Variants in CPEB3 observed in about 807,000 individuals in gnomAD.
CPEB3 encodes the protein cytoplasmic polyadenylation element-binding protein 3.
A neutral mutation model predicts 67.2 loss-of-function variants in CPEB3; 20 were observed. The observed-to-expected ratio is 0.30, with a 90% CI of 0.21 to 0.43. The LOEUF (loss-of-function observed/expected upper bound fraction) is 0.43, where lower values mean the gene tolerates loss of function less well. Among genes scored for constraint, CPEB3 ranks in the 20% least tolerant of loss-of-function variants. The probability of loss-of-function intolerance (pLI) is 1.00; values close to 1 mark genes in which losing one functional copy is unlikely to be tolerated. For missense variants in CPEB3, 746 were observed against 968.6 expected (o/e 0.77, Z 3.05); for synonymous variants, 376 against 393.1 (o/e 0.96, Z 0.51).
intron 1 of CPEB3, among the ~76,000 whole-genome samples, chr10:92,270,559 CTT>C (rs571582158): frequency 1.2e-3 from 150 of 124,848 alleles, no homozygotes; most frequent in Non-Finnish European, 1.6e-3. Flanking sequence ...TTTTATATTA[CTT>C]TTTTTTTTTT....
intron 1 of CPEB3, among the ~76,000 whole-genome samples, chr10:92,254,675 C>G (rs531764516): frequency 6.6e-6 from 1 of 152,024 alleles, no homozygotes; most frequent in South Asian, 2.1e-4. Flanking sequence ...TTTATACAGA[C>G]AGAGTCTTGC....
At chr10:92,177,901 G>A (rs1307549421) in intron 4 of CPEB3, among the ~76,000 whole-genome samples, 2 of 152,038 alleles carry the variant, frequency 1.3e-5, no homozygotes, top group Non-Finnish European at 2.9e-5. Context: ...AAGATTTTTT[G>A]GGAAACATAA....
intron 2 of CPEB3, among the ~76,000 whole-genome samples, chr10:92,207,415 G>A (rs1391110679): frequency 1.3e-5 from 2 of 152,110 alleles, no homozygotes; most frequent in African/African-American, 4.8e-5. Context: ...AAGACAGAAT[G>A]GTTTTAAGGC....
At chr10:92,173,824 C>A (rs920509809) in intron 4 of CPEB3, among the ~76,000 whole-genome samples, 6 of 152,186 alleles carry the variant, frequency 3.9e-5, no homozygotes, top group Admixed American at 1.3e-4. Flanking sequence ...AGTCATGGAA[C>A]ATTACTTATT....
rs1440597796 is a variant in CPEB3, at chr10:92,258,628, ATATATATATATAT to A, written c.-11-18280_-11-18268del. ...CAGACTTCAATTATATTTTTTGAAT[ATATATATATATAT>A]ATATATATATATATATATATATATA... On this transcript the variant is annotated intron_variant, in intron 1 of 9. Transcript: ENST00000265997. Among the ~76,000 whole-genome samples, 446 of 84,170 alleles carry A rather than the reference ATATATATATATAT, an allele frequency of 5.3e-3. 24 individuals are homozygous for A. The highest frequency in any genetic ancestry group is 0.011 in the Middle Eastern group (2 of 184). 55.2% of individuals were successfully genotyped at this position (84,170 alleles called of 152,430 possible). A position where few individuals can be genotyped will look rare whatever the true frequency, so the allele number is the denominator to read the frequency against.
intron 3 of CPEB3, among the ~76,000 whole-genome samples, chr10:92,185,669 G>A (rs368738947): frequency 2.0e-5 from 3 of 152,038 alleles, no homozygotes; most frequent in Admixed American, 1.3e-4. Flanking sequence ...CCCTTTGCTC[G>A]AAAAAGGCAA....
chr10:92,271,465 G>C (rs560443865), intron 1 of CPEB3, among the ~76,000 whole-genome samples: 2 of 152,050 alleles, frequency 1.3e-5, no homozygotes, highest in South Asian at 4.2e-4. Context: ...TTTTAATCTG[G>C]GACAGTTCCT....
At chr10:92,131,526 G>A (rs769492246) in intron 6 of CPEB3, among the ~76,000 whole-genome samples, 19 of 152,190 alleles carry the variant, frequency 1.2e-4, no homozygotes, top group South Asian at 2.1e-4. Flanking sequence ...AGCTTGGAAA[G>A]AGAAACTGAT....
chr10:92,248,669 G>A (rs1852167501), intron 1 of CPEB3, among the ~76,000 whole-genome samples: 1 of 152,060 alleles, frequency 6.6e-6, no homozygotes, highest in African/African-American at 2.4e-5. Context: ...GAAGGGGAGT[G>A]GTATAAAATA....
At chr10:92,117,344 T>C (rs1168182332) in intron 6 of CPEB3, among the ~76,000 whole-genome samples, 15 of 102,118 alleles carry the variant, frequency 1.5e-4, no homozygotes, top group African/African-American at 6.4e-4. Flanking sequence ...TTTTTTTTTT[T>C]TTTGAGAAGG....
chr10:92,065,817 G>C (rs1289528784), intron 9 of CPEB3, among the ~76,000 whole-genome samples: 1 of 152,018 alleles, frequency 6.6e-6, no homozygotes, highest in Non-Finnish European at 1.5e-5. Context: ...AGCTCGGCCA[G>C]GTGCAGTGGC....
intron 4 of CPEB3, among the ~76,000 whole-genome samples, chr10:92,157,475 G>A (rs951171654): frequency 4.2e-4 from 64 of 152,320 alleles, no homozygotes; most frequent in East Asian, 7.7e-4. Flanking sequence ...GTGTGACCAG[G>A]AGAGAATGCA....
At chr10:92,186,210 A>C (rs1421336350) in intron 3 of CPEB3, among the ~76,000 whole-genome samples, 32 of 141,496 alleles carry the variant, frequency 2.3e-4, no homozygotes, top group South Asian at 6.6e-4. Flanking sequence ...TGTCTCCACA[A>C]AAAAAAAAAA....
intron 5 of CPEB3, among the ~76,000 whole-genome samples, chr10:92,143,466 A>T (rs1229764133): frequency 2.0e-5 from 3 of 152,224 alleles, no homozygotes; most frequent in Non-Finnish European, 2.9e-5. Flanking sequence ...GATTTTAGTA[A>T]GAAAGTAAGG....
chr10:92,133,060 A>C (rs1845919298), intron 6 of CPEB3, among the ~76,000 whole-genome samples: 1 of 152,232 alleles, frequency 6.6e-6, no homozygotes, highest in East Asian at 1.9e-4. Context: ...CCCCAAGAGA[A>C]AGCAGGAAAG....
intron 9 of CPEB3, among the ~76,000 whole-genome samples, chr10:92,074,116 G>T (rs1043171922): frequency 3.3e-5 from 5 of 150,798 alleles, no homozygotes; most frequent in Middle Eastern, 3.3e-3. Context: ...TTAAAAAAAT[G>T]GTTTTTTTTT....
At chr10:92,161,082 A>AC (rs1373658032) in intron 4 of CPEB3, among the ~76,000 whole-genome samples, 1 of 152,036 alleles carries the variant, frequency 6.6e-6, no homozygotes, top group Non-Finnish European at 1.5e-5. Flanking sequence ...TCACCATGTC[A>AC]CCCAAGCTGG....
At chr10:92,258,533 A>C (rs1020167883) in intron 1 of CPEB3, among the ~76,000 whole-genome samples, 1 of 150,148 alleles carries the variant, frequency 6.7e-6, no homozygotes, top group Non-Finnish European at 1.5e-5. Flanking sequence ...TTATGACACA[A>C]GTATACATGT....
chr10:92,262,947 GT>G (rs1852872371), intron 1 of CPEB3, among the ~76,000 whole-genome samples: 1 of 151,816 alleles, frequency 6.6e-6, no homozygotes, highest in Non-Finnish European at 1.5e-5. Flanking sequence ...CCTCTTTTTT[GT>G]TTGTAGAGAC....
Sources: gnomAD v4.1 joint callset for allele counts (sites outside exome capture counted in the v4.1 genomes callset) on GRCh38, gnomAD v4.1.1 for gene constraint, MANE v1.5 for transcripts, NCBI Gene and HGNC (gene_info 2026-07-23, HGNC 2026-07-21) for gene names.